The following KCNB2 variants were observed in gnomAD, a reference collection of about 807,000 sequenced individuals.
KCNB2 encodes the protein potassium voltage-gated channel subfamily B member 2.
A neutral mutation model predicts 61.5 loss-of-function variants in KCNB2; 15 were observed. That is an observed-to-expected ratio of 0.24 (90% CI 0.16 to 0.38). The LOEUF (loss-of-function observed/expected upper bound fraction) is 0.38. Among genes scored for constraint, KCNB2 ranks in the 10% least tolerant of loss-of-function variants. The pLI is 1.00. For synonymous variants in KCNB2, 457 were observed against 446.0 expected (o/e 1.02, Z -0.31); for missense variants, 828 against 1,125.2 (o/e 0.74, Z 3.78).
At chr8:72,558,433 G>A (rs1449535899) in intron 1 of KCNB2, among the ~76,000 whole-genome samples, 1 of 152,204 alleles carries the variant, frequency 6.6e-6, no homozygotes. Flanking sequence ...AAGCAGGAAA[G>A]ATTAATTCTT....
intron 2 of KCNB2, among the ~76,000 whole-genome samples, chr8:72,853,119 T>C (rs1209324768): frequency 2.0e-5 from 3 of 152,232 alleles, no homozygotes; most frequent in East Asian, 1.9e-4. Context: ...CAGCCACTTA[T>C]AGTAAATATT....
intron 2 of KCNB2, among the ~76,000 whole-genome samples, chr8:72,849,494 T>C (rs992783054): frequency 2.0e-5 from 3 of 152,168 alleles, no homozygotes; most frequent in Non-Finnish European, 4.4e-5. Context: ...GTTCTACCAA[T>C]CTTTCTAATG....
At chr8:72,839,541 G>A (rs541969585) in intron 2 of KCNB2, among the ~76,000 whole-genome samples, 68 of 151,326 alleles carry the variant, frequency 4.5e-4, no homozygotes, top group African/African-American at 1.6e-3. Context: ...TCACTCCAGC[G>A]GGGGAAGGCT....
intron 2 of KCNB2, among the ~76,000 whole-genome samples, chr8:72,843,709 T>C (rs1459215673): frequency 1.3e-5 from 2 of 152,224 alleles, no homozygotes; most frequent in African/African-American, 4.8e-5. Flanking sequence ...TTTGTCTTTC[T>C]TGATCTTTGT....
chr8:72,737,203 A>G (rs1280420307), intron 2 of KCNB2, among the ~76,000 whole-genome samples: 1 of 152,180 alleles, frequency 6.6e-6, no homozygotes, highest in African/African-American at 2.4e-5. Flanking sequence ...TTTTAACATA[A>G]GCTTGGATTA....
chr8:72,890,186 C>G (rs1402758394), intron 2 of KCNB2, among the ~76,000 whole-genome samples: 1 of 152,176 alleles, frequency 6.6e-6, no homozygotes, highest in East Asian at 1.9e-4. Context: ...GCAGATGATT[C>G]ATCTACCTAA....
chr8:72,934,591 T>C (rs1806863112), intron 2 of KCNB2, among the ~76,000 whole-genome samples: 1 of 152,112 alleles, frequency 6.6e-6, no homozygotes, highest in African/African-American at 2.4e-5. Flanking sequence ...AAATGTCTAA[T>C]CACTGCCCTT....
intron 2 of KCNB2, among the ~76,000 whole-genome samples, chr8:72,890,873 C>T (rs1322986091): frequency 1.3e-5 from 2 of 152,088 alleles, no homozygotes; most frequent in Non-Finnish European, 2.9e-5. Context: ...GTGTAGATTG[C>T]AATTCATGGC....
At chr8:72,710,181 A>G (rs1203448289) in intron 2 of KCNB2, among the ~76,000 whole-genome samples, 1 of 152,158 alleles carries the variant, frequency 6.6e-6, no homozygotes. Flanking sequence ...TCAACCATCC[A>G]TGAGTGAGCT....
intron 2 of KCNB2, among the ~76,000 whole-genome samples, chr8:72,725,589 A>ATG (rs1207730339): frequency 1.7e-3 from 110 of 64,270 alleles, no homozygotes; most frequent in South Asian, 0.015. Context: ...ATATATATGT[A>ATG]TGTATATATA....
At chr8:72,726,725 A>G (rs1807656678) in intron 2 of KCNB2, among the ~76,000 whole-genome samples, 1 of 152,178 alleles carries the variant, frequency 6.6e-6, no homozygotes, top group Non-Finnish European at 1.5e-5. Context: ...TGCATTTTAA[A>G]TATTTTTTAC....
chr8:72,724,371 C>T (rs1436412542), intron 2 of KCNB2, among the ~76,000 whole-genome samples: 1 of 152,180 alleles, frequency 6.6e-6, no homozygotes, highest in African/African-American at 2.4e-5. Context: ...GAATGTATCA[C>T]TTTGGAAAAA....
chr8:72,847,422 G>A (rs918327091), intron 2 of KCNB2, among the ~76,000 whole-genome samples: 7 of 152,092 alleles, frequency 4.6e-5, no homozygotes, highest in Admixed American at 2.0e-4. Flanking sequence ...TAATTACTAG[G>A]ATTGCAAACA....
intron 2 of KCNB2, among the ~76,000 whole-genome samples, chr8:72,807,106 G>GAA (rs1198388847): frequency 6.6e-6 from 1 of 152,180 alleles, no homozygotes; most frequent in African/African-American, 2.4e-5. Context: ...CCCAAGGAAG[G>GAA]AAAATAATTG....
intron 1 of KCNB2, among the ~76,000 whole-genome samples, chr8:72,562,656 T>C (rs1806556013): frequency 6.6e-6 from 1 of 152,204 alleles, no homozygotes; most frequent in Non-Finnish European, 1.5e-5. Flanking sequence ...CTGTTTATAC[T>C]GACAATTTAT....
intron 2 of KCNB2, among the ~76,000 whole-genome samples, chr8:72,837,835 TA>T (rs1314310686): frequency 6.6e-6 from 1 of 151,170 alleles, no homozygotes; most frequent in Non-Finnish European, 1.5e-5. Flanking sequence ...ATCCTTTTTT[TA>T]AAAAAAAATT....
chr8:72,545,355 G>A (rs1471862127), intron 1 of KCNB2, among the ~76,000 whole-genome samples: 5 of 152,232 alleles, frequency 3.3e-5, no homozygotes, highest in South Asian at 2.1e-4. Context: ...CCTGCATCAC[G>A]CAAGTCTGTC....
chr8:72,903,835 GGAAAAA>G (rs1806127591), intron 2 of KCNB2, among the ~76,000 whole-genome samples: 4 of 151,852 alleles, frequency 2.6e-5, no homozygotes, highest in Non-Finnish European at 5.9e-5. Context: ...GGTTTTAGAA[GGAAAAA>G]TATTTCTTTA....
chr8:72,841,977 G>A lies in KCNB2; in HGVS notation c.580-93958G>A, dbSNP rs554303472. On this transcript the variant is annotated intron_variant, in intron 2 of 2. Transcript: ENST00000523207. The stretch of plus-strand genomic sequence containing the variant: ...ACTTCCAACACTATGCCGAATAGAA[G>A]TGAGAGAGGGCATCCTTGTCTTCAG... Among the ~76,000 whole-genome samples, 7 of 152,288 alleles carry A rather than the reference G, an allele frequency of 4.6e-5. No homozygotes were observed. The East Asian group carries it at 1.4e-3, about 29-fold the overall frequency.
Sources: allele counts gnomAD v4.1 joint callset (sites outside exome capture counted in the v4.1 genomes callset), GRCh38; gene constraint gnomAD v4.1.1; transcripts MANE v1.5; gene names NCBI Gene and HGNC (gene_info 2026-07-23, HGNC 2026-07-21).